Variants in GAL3ST2 observed in about 807,000 individuals in gnomAD.
GAL3ST2 encodes the protein galactose-3-O-sulfotransferase 2, also known as beta-galactose-3-O-sulfotransferase 2.
Under a neutral mutation model 12.9 loss-of-function variants are expected in GAL3ST2, and 16 were observed. The observed-to-expected ratio is 1.24, with a 90% CI of 0.84 to 1.88. GAL3ST2 has a LOEUF of 1.88. Among genes scored for constraint, GAL3ST2 ranks in the 40% most tolerant of loss-of-function variants. GAL3ST2 has a pLI of 0.00. For missense variants in GAL3ST2, 639 were observed against 571.8 expected (o/e 1.12, Z -1.20); for synonymous variants, 302 against 273.9 (o/e 1.10, Z -1.01).
intron 1 of GAL3ST2, among the ~76,000 whole-genome samples, chr2:241,798,612 G>A (rs2125195915): frequency 6.6e-6 from 1 of 152,260 alleles, no homozygotes; most frequent in South Asian, 2.1e-4. Context: ...TGTGTGTTAG[G>A]GGTTTGGCCT....
At chr2:241,796,308 C>T (rs1699771602) in intron 1 of GAL3ST2, among the ~76,000 whole-genome samples, 1 of 152,052 alleles carries the variant, frequency 6.6e-6, no homozygotes, top group African/African-American at 2.4e-5. Flanking sequence ...CGAGTGTGGT[C>T]CCTAAAGACC....
intron 2 of GAL3ST2, 100 bp downstream of exon 2, chr2:241,799,254 T>C: frequency 9.7e-7 from 1 of 1,035,164 alleles, no homozygotes; most frequent in Non-Finnish European, 1.5e-6. Context: ...CCACTGGGCC[T>C]GTCTCCCTCT....
intron 1 of GAL3ST2, among the ~76,000 whole-genome samples, chr2:241,779,606 AAAC>A (rs1398918786): frequency 3.3e-5 from 5 of 151,964 alleles, no homozygotes; most frequent in African/African-American, 1.2e-4. Context: ...GGAAGGAGAA[AAAC>A]AACAACAAAG....
chr2:241,788,266 G>T (rs948832745), intron 1 of GAL3ST2, among the ~76,000 whole-genome samples: 15 of 152,118 alleles, frequency 9.9e-5, no homozygotes, highest in Admixed American at 5.9e-4. Context: ...TTTGGCTTTG[G>T]GGGGTACCAT....
In GAL3ST2 at chr2:241,804,126, C is replaced by G. The variant is rs373185622; in HGVS notation, c.1157C>G (p.Pro386Arg). ...YMARLYALQF[P>R]EKPLKNIPFL... Reference sequence around the variant, plus strand: ...GCCCGCCTGTACGCCCTGCAGTTCCCGGAGAAGCCCCTCAAGAACATCCCG... The same window carrying G: ...GCCCGCCTGTACGCCCTGCAGTTCCGGGAGAAGCCCCTCAAGAACATCCCG... The change falls in exon 4 of 4, where the codon CCG (proline) becomes CGG (arginine). Residue 386 changes from proline (P) to arginine (R), a missense_variant. Coordinates refer to ENST00000192314, the MANE Select transcript of GAL3ST2 (RefSeq NM_022134.3). 1.5e-4 allele frequency: 229 copies of G among 1,492,404 alleles called. No individual in the cohort carries two copies. The Middle Eastern group carries it at 4.1e-3, about 27-fold the overall frequency. 92.4% of individuals were successfully genotyped at this position (1,492,404 alleles called of 1,614,324 possible). A position where few individuals can be genotyped will look rare whatever the true frequency, so the allele number is the denominator to read the frequency against.
At position 241,804,112 on chromosome 2, in the gene GAL3ST2, C is replaced by T. The variant is rs755568422; in HGVS notation, c.1143C>T (p.Tyr381=). 10 of 1,507,716 alleles carry T rather than the reference C, an allele frequency of 6.6e-6. No individual in the cohort carries two copies. The highest frequency in any genetic ancestry group is 2.5e-5 in the South Asian group (2 of 78,530). The allele number at this position is 1,507,716 out of a possible 1,614,324, so 93.4% of individuals were successfully genotyped here. ...MPELQYMARL[Y]ALQFPEKPLK... is the part of the protein sequence containing the mutation. The stretch of plus-strand genomic sequence containing the variant: ...AGCTCCAGTACATGGCCCGCCTGTA[C>T]GCCCTGCAGTTCCCGGAGAAGCCCC... Residue 381 remains tyrosine (Y), a synonymous_variant, in exon 4 of 4, where the codon TAC becomes TAT. Transcript: ENST00000192314.
In GAL3ST2 at chr2:241,801,519, T is replaced by C. The variant is rs539731915; in HGVS notation, c.120-262T>C. 7.4e-6 allele frequency: 4 copies of C among 543,092 alleles called. No individual in the cohort carries two copies. The highest frequency in any genetic ancestry group is 4.8e-5 in the South Asian group (2 of 41,386). 33.6% of individuals were successfully genotyped at this position (543,092 alleles called of 1,614,324 possible). A position where few individuals can be genotyped will look rare whatever the true frequency, so the allele number is the denominator to read the frequency against. ...GGTTCATTTAGGGTTTTATTTTTAG[T>C]TCTCGGGGGCACAGGGTTGGGGGAG... On this transcript the variant is annotated intron_variant, in intron 2 of 3. Transcript: ENST00000192314. This position sits in a 1 kb window ranked among gnomAD's most constrained non-coding sequence, Gnocchi z 4.4.
chr2:241,779,523 G>A lies in GAL3ST2; in HGVS notation c.29+2539G>A, dbSNP rs528622996. Among the ~76,000 whole-genome samples, 47 of 149,056 alleles carry A rather than the reference G, an allele frequency of 3.2e-4. 1 individual carries two copies. In the South Asian group the frequency reaches 0.01, roughly 33 times the overall value. On this transcript the variant is annotated intron_variant, in intron 1 of 3. Transcript: ENST00000192314. The stretch of plus-strand genomic sequence containing the variant: ...GCTGGGATTACAGGCGTGAGCCACC[G>A]TGCCCGGCCCTGGGAAGTTCATTTT...
Position 241,802,146 on chromosome 2 carries a change from G to A in GAL3ST2, c.375+110G>A. ...AGAAGGAGTGTAAGGCTTGGGGGCG[G>A]GGCGTGCAGAAGGCGGGTTGGGAGG... On this transcript the variant is annotated intron_variant, in intron 3 of 3. Coordinates refer to ENST00000192314, the MANE Select transcript of GAL3ST2 (RefSeq NM_022134.3). The surrounding 1 kb of genome is among the most constrained non-coding windows in gnomAD (Gnocchi z 4.8). The A allele has an allele frequency of 7.3e-7, 1 of 1,361,186 alleles. No individual in the cohort carries two copies. The highest frequency in any genetic ancestry group is 9.9e-7 in the Non-Finnish European group (1 of 1,013,720). 84.3% of individuals were successfully genotyped at this position (1,361,186 alleles called of 1,614,324 possible). A position where few individuals can be genotyped will look rare whatever the true frequency, so the allele number is the denominator to read the frequency against.
chr2:241,777,418 G>A (rs1204811441), intron 1 of GAL3ST2, among the ~76,000 whole-genome samples: 5 of 152,300 alleles, frequency 3.3e-5, no homozygotes, highest in Middle Eastern at 3.4e-3. Context: ...GGATGCTCCC[G>A]GGGCTCTGGG....
Position 241,804,042 on chromosome 2 carries a change from T to C in GAL3ST2, c.1073T>C (p.Leu358Pro). Residue 358 changes from leucine to proline, a missense_variant, in exon 4 of 4, where the codon CTG (leucine) becomes CCG (proline). Coordinates refer to ENST00000192314, the MANE Select transcript of GAL3ST2 (RefSeq NM_022134.3). ...CTGGGTTACAACCTCCGGCCGGGCC[T>C]GGACAACCAGACGCTGGGCGTGTGC... ...DILGYNLRPG[L>P]DNQTLGVCQR... 6.4e-7 allele frequency: 1 copy of C among 1,562,504 alleles called. No individual in the cohort carries two copies. Among genetic ancestry groups the C allele is most frequent in the Admixed American group, 1.9e-5 (1 of 53,944 alleles).
At chr2:241,797,688 C>T (rs1699789778) in intron 1 of GAL3ST2, among the ~76,000 whole-genome samples, 1 of 151,038 alleles carries the variant, frequency 6.6e-6, no homozygotes, top group Non-Finnish European at 1.5e-5. Flanking sequence ...CACTGAGCAG[C>T]GGGGCTGATC....
rs1216777185 is a variant in GAL3ST2, at chr2:241,793,471, T to C, written c.30-5594T>C. Among the ~76,000 whole-genome samples, 1 of 152,168 alleles carries C rather than the reference T, an allele frequency of 6.6e-6. No homozygotes were observed. Among genetic ancestry groups the C allele is most frequent in the East Asian group, 1.9e-4 (1 of 5,206 alleles). On this transcript the variant is annotated intron_variant, in intron 1 of 3. Coordinates refer to ENST00000192314, the MANE Select transcript of GAL3ST2 (RefSeq NM_022134.3). This position sits in a 1 kb window ranked among gnomAD's most constrained non-coding sequence, Gnocchi z 4.7. ...TACTGTGTATGCGTGTGTATGTGTA[T>C]GCATGTGTATTATATGTACATATTG...
In GAL3ST2 at chr2:241,795,190, T is replaced by C. The variant is rs1699756480; in HGVS notation, c.30-3875T>C. Among the ~76,000 whole-genome samples the C allele has an allele frequency of 6.6e-6, 1 of 152,086 alleles. No homozygotes were observed. The highest frequency in any genetic ancestry group is 1.5e-5 in the Non-Finnish European group (1 of 68,002). On this transcript the variant is annotated intron_variant, in intron 1 of 3. Coordinates refer to ENST00000192314, the MANE Select transcript of GAL3ST2 (RefSeq NM_022134.3). The surrounding 1 kb of genome is among the most constrained non-coding windows in gnomAD (Gnocchi z 4.5). ...TGGGCTCACCTCCTGGGTCCCCAGGTCACCCCCTTCCCGGTTGCTCCAACA... is the reference window on the plus strand; with the variant it reads ...TGGGCTCACCTCCTGGGTCCCCAGGCCACCCCCTTCCCGGTTGCTCCAACA...
chr2:241,797,638 C>G (rs1699788942), intron 1 of GAL3ST2, among the ~76,000 whole-genome samples: 1 of 149,052 alleles, frequency 6.7e-6, no homozygotes, highest in Non-Finnish European at 1.5e-5. Flanking sequence ...GCCCAGCCCT[C>G]CCCGCTGCTC....
At chr2:241,784,671 T>C (rs796920794) in intron 1 of GAL3ST2, among the ~76,000 whole-genome samples, 6 of 152,314 alleles carry the variant, frequency 3.9e-5, no homozygotes, top group African/African-American at 1.4e-4. Context: ...TTTTTACTAG[T>C]GAAACATTGT....
In GAL3ST2 at chr2:241,803,870, C is replaced by G; in HGVS notation, c.901C>G (p.Arg301Gly). The G allele has an allele frequency of 7.0e-7, 1 of 1,424,116 alleles. No individual in the cohort carries two copies. Among genetic ancestry groups the G allele is most frequent in the African/African-American group, 1.5e-5 (1 of 66,094 alleles). 88.2% of individuals were successfully genotyped at this position (1,424,116 alleles called of 1,614,324 possible). The part of the protein sequence containing the change: ...WAQLRAELGP[R>G]RLRGEVERLR... ...GCAGCTGCGCGCCGAGCTGGGGCCGCGGCGGCTGCGCGGGGAGGTGGAGCG... is the reference window on the plus strand; with the variant it reads ...GCAGCTGCGCGCCGAGCTGGGGCCGGGGCGGCTGCGCGGGGAGGTGGAGCG... The change falls in exon 4 of 4, where the codon CGG becomes GGG. Residue 301 changes from arginine (R) to glycine (G), a missense_variant. Arg to Gly is a moderately radical substitution (Grantham distance 125, BLOSUM62 -2). Transcript: ENST00000192314.
At position 241,804,074 on chromosome 2, in the gene GAL3ST2, C is replaced by G. The variant is rs763827627; in HGVS notation, c.1105C>G (p.Leu369Val). ...DNQTLGVCQR[L>V]VMPELQYMAR... ...CCAGACGCTGGGCGTGTGCCAGAGGCTTGTGATGCCTGAGCTCCAGTACAT... is the reference window on the plus strand; with the variant it reads ...CCAGACGCTGGGCGTGTGCCAGAGGGTTGTGATGCCTGAGCTCCAGTACAT... Residue 369 changes from leucine (L) to valine (V), a missense_variant, in exon 4 of 4, where the codon CTT becomes GTT. Coordinates refer to ENST00000192314, the MANE Select transcript of GAL3ST2 (RefSeq NM_022134.3). The G allele has an allele frequency of 3.9e-6, 6 of 1,544,364 alleles. No individual in the cohort carries two copies. Among genetic ancestry groups the G allele is most frequent in the Admixed American group, 2.0e-5 (1 of 50,940 alleles).
chr2:241,804,187 G>C lies in GAL3ST2; in HGVS notation c.*21G>C. Reference sequence around the variant, plus strand: ...CGTAGAGGGGCCGGGCCGGGGACGAGGCCTCCTGCGGACACCAGCTCCTCT... The same window carrying C: ...CGTAGAGGGGCCGGGCCGGGGACGACGCCTCCTGCGGACACCAGCTCCTCT... On this transcript the variant is annotated 3_prime_UTR_variant, in exon 4 of 4. Transcript: ENST00000192314. 2.2e-6 allele frequency: 3 copies of C among 1,391,486 alleles called. No individual in the cohort carries two copies. The highest frequency in any genetic ancestry group is 9.4e-7 in the Non-Finnish European group (1 of 1,065,598). The allele number at this position is 1,391,486 out of a possible 1,614,324, so 86.2% of individuals were successfully genotyped here. A position where few individuals can be genotyped will look rare whatever the true frequency, so the allele number is the denominator to read the frequency against.
Sources: allele counts gnomAD v4.1 joint callset (sites outside exome capture counted in the v4.1 genomes callset), GRCh38; gene constraint gnomAD v4.1.1; non-coding constraint Gnocchi (gnomAD v3.1); transcripts MANE v1.5; gene names NCBI Gene and HGNC (gene_info 2026-07-23, HGNC 2026-07-21).